The following HTR4 variants were observed in gnomAD, a reference collection of about 807,000 sequenced individuals.
HTR4 encodes 5-hydroxytryptamine receptor 4.
HTR4 carries 16 observed loss-of-function variants against 36.8 expected under a neutral mutation model. That is an observed-to-expected ratio of 0.43 (90% confidence interval 0.29 to 0.66). The LOEUF (loss-of-function observed/expected upper bound fraction) is 0.66. HTR4 is among the 30% of genes least tolerant of loss of function. The probability of loss-of-function intolerance (pLI) is 0.13; values close to 1 mark genes in which losing one functional copy is unlikely to be tolerated. For missense variants in HTR4, 438 were observed against 490.9 expected, an observed-to-expected ratio of 0.89 and a Z score of 1.02; for synonymous variants, 189 against 185.1, an observed-to-expected ratio of 1.02 and a Z score of -0.17.
rs762741315 is a variant in HTR4, at chr5:148,509,800, G to C, written c.732C>G (p.Asp244Glu). ...ASSESRPQSA[D>E]QHSTHRMRTE... Reference sequence around the variant, plus strand: ...TCCTCATGCGATGAGTGCTATGCTGGTCTGCCGACTGAGGCCTGCTCTCGG... The same window carrying C: ...TCCTCATGCGATGAGTGCTATGCTGCTCTGCCGACTGAGGCCTGCTCTCGG... Residue 244 changes from aspartate (D) to glutamate (E), a missense_variant, in exon 6 of 7, where the codon GAC (aspartate) becomes GAG (glutamate). Asp to Glu is a conservative substitution (Grantham distance 45, BLOSUM62 2). Transcript: ENST00000377888. 6.2e-7 allele frequency: 1 copy of C among 1,614,010 alleles called. No individual in the cohort carries two copies. Among genetic ancestry groups the C allele is most frequent in the East Asian group, 2.2e-5 (1 of 44,840 alleles).
At chr5:148,503,433 A>C (rs573243025) in intron 6 of HTR4, among the ~76,000 whole-genome samples, 2 of 152,294 alleles carry the variant, frequency 1.3e-5, no homozygotes, top group African/African-American at 4.8e-5. Context: ...TTTACAGACA[A>C]GCAAATGCTG....
Position 148,484,474 on chromosome 5 carries a change from T to C in HTR4, c.1077-1181A>G, listed in dbSNP as rs376047745. 5 of 1,198,310 alleles carry C rather than the reference T, an allele frequency of 4.2e-6. 1 individual carries two copies. In the African/African-American group the frequency reaches 7.6e-5, roughly 18 times the overall value. 74.2% of individuals were successfully genotyped at this position (1,198,310 alleles called of 1,614,324 possible). Reference sequence around the variant, plus strand: ...GTCTATGGTTTCTGGAGATTAGCTTTAGTGTTTCTTGAAAAATTGGGGCAA... The same window carrying C: ...GTCTATGGTTTCTGGAGATTAGCTTCAGTGTTTCTTGAAAAATTGGGGCAA... On this transcript the variant is annotated intron_variant, in intron 6 of 6. Coordinates refer to ENST00000377888, the MANE Select transcript of HTR4 (RefSeq NM_000870.7).
rs544981716 is a variant in HTR4 at position 148,597,493 on chromosome 5, C to A, written c.26+39496G>T. ...AGCTACCAAAGTCCCTAATGCCTGT[C>A]TCATTCTTCTTCTTACTCCTTACCT... On this transcript the variant is annotated intron_variant, in intron 2 of 6. Coordinates refer to ENST00000377888, the MANE Select transcript of HTR4 (RefSeq NM_000870.7). Among the ~76,000 whole-genome samples, 11 of 152,212 alleles carry A rather than the reference C, an allele frequency of 7.2e-5. No individual in the cohort carries two copies. In the East Asian group the frequency reaches 1.9e-3, roughly 27 times the overall value.
chr5:148,484,657 C>T (rs566557387), intron 6 of HTR4, among the ~76,000 whole-genome samples: 32 of 152,274 alleles, frequency 2.1e-4, no homozygotes, highest in African/African-American at 7.0e-4. Flanking sequence ...AACTTTCTCC[C>T]TAAAATGTTC....
intron 2 of HTR4, among the ~76,000 whole-genome samples, chr5:148,623,229 CAG>C (rs1458109156): frequency 1.3e-5 from 2 of 152,092 alleles, no homozygotes; most frequent in Admixed American, 1.3e-4. Context: ...GGAAAATGTT[CAG>C]AGACTGCAAT....
chr5:148,486,419 G>A (rs1756162873), intron 6 of HTR4, among the ~76,000 whole-genome samples: 1 of 152,172 alleles, frequency 6.6e-6, no homozygotes, highest in African/African-American at 2.4e-5. Flanking sequence ...ATTCAGAGAA[G>A]AAAGCAGCAG....
chr5:148,454,491 T>A (rs898069990), intron 5 of HTR4, among the ~76,000 whole-genome samples: 4 of 152,212 alleles, frequency 2.6e-5, no homozygotes, highest in Non-Finnish European at 5.9e-5. Flanking sequence ...ATGATAATGA[T>A]AATGATGATG....
At chr5:148,469,113 A>T (rs1291445511) in intron 5 of HTR4, among the ~76,000 whole-genome samples, 1 of 152,048 alleles carries the variant, frequency 6.6e-6, no homozygotes, top group Non-Finnish European at 1.5e-5. Context: ...CTTAAACATA[A>T]TTTTTATTAT....
At chr5:148,614,858 A>G (rs1408159348) in intron 2 of HTR4, among the ~76,000 whole-genome samples, 1 of 152,234 alleles carries the variant, frequency 6.6e-6, no homozygotes, top group Non-Finnish European at 1.5e-5. Context: ...ACCCCATCAA[A>G]AAGTGGGCAA....
At chr5:148,533,178 C>A (rs1228570559) in intron 4 of HTR4, among the ~76,000 whole-genome samples, 2 of 152,186 alleles carry the variant, frequency 1.3e-5, no homozygotes, top group East Asian at 1.9e-4. Flanking sequence ...AAAATTTGTT[C>A]TCCAGCCTTC....
intron 5 of HTR4, among the ~76,000 whole-genome samples, chr5:148,455,349 G>T (rs1199268586): frequency 4.6e-5 from 7 of 152,160 alleles, no homozygotes; most frequent in African/African-American, 1.7e-4. Context: ...CATGAAAAAG[G>T]TATCCTAGTT....
chr5:148,484,456 G>T, intron 6 of HTR4: 1 of 1,373,114 alleles, frequency 7.3e-7, no homozygotes. Context: ...TGAGTCTATG[G>T]TTTCTGGAGA....
At chr5:148,539,638 C>T (rs560095652) in intron 4 of HTR4, among the ~76,000 whole-genome samples, 3 of 152,102 alleles carry the variant, frequency 2.0e-5, no homozygotes, top group African/African-American at 2.4e-5. Context: ...TATCACTGAT[C>T]GTTAAAGAAA....
chr5:148,540,418 A>G lies in HTR4; in HGVS notation c.353+8250T>C, dbSNP rs1224943961. On this transcript the variant is annotated intron_variant, in intron 4 of 6. Coordinates refer to ENST00000377888, the MANE Select transcript of HTR4 (RefSeq NM_000870.7). ...TGTGTGTGTATATATATATATATAT[A>G]TATATATATATATATATATATATAT... Among the ~76,000 whole-genome samples, 190 of 130,732 alleles carry G rather than the reference A, an allele frequency of 1.5e-3. 3 individuals are homozygous for G. Among genetic ancestry groups the G allele is most frequent in the African/African-American group, 4.9e-3 (163 of 33,424 alleles). The allele number at this position is 130,732 out of a possible 152,430, so 85.8% of individuals were successfully genotyped here.
intron 2 of HTR4, among the ~76,000 whole-genome samples, chr5:148,611,405 G>C (rs1281404249): frequency 1.2e-3 from 173 of 147,808 alleles, no homozygotes; most frequent in African/African-American, 4.1e-3. Context: ...TTTCAACCCA[G>C]AATTTCATAT....
At position 148,558,094 on chromosome 5, in the gene HTR4, ACCCTTCCT is replaced by A. The variant is rs1314908426; in HGVS notation, c.27-7840_27-7833del. On this transcript the variant is annotated intron_variant, in intron 2 of 6. Coordinates refer to ENST00000377888, the MANE Select transcript of HTR4 (RefSeq NM_000870.7). ...TACTCCCTATCTAAGTATTTTTTTCACCCTTCCTGCCCAGCCCTGCACAGTCTTTTGCA... is the reference window on the plus strand; with the variant it reads ...TACTCCCTATCTAAGTATTTTTTTCAGCCCAGCCCTGCACAGTCTTTTGCA... 1.1e-3 allele frequency among the ~76,000 whole-genome samples: 161 copies of A among 151,966 alleles called. 1 individual carries two copies. The highest frequency in any genetic ancestry group is 3.5e-3 in the African/African-American group (147 of 41,482).
intron 2 of HTR4, among the ~76,000 whole-genome samples, chr5:148,620,307 C>A (rs187918179): frequency 6.6e-6 from 1 of 152,328 alleles, no homozygotes; most frequent in East Asian, 1.9e-4. Context: ...AAGGTGAAGT[C>A]ATAGCAGAAC....
chr5:148,559,707 C>G (rs112237308), intron 2 of HTR4, among the ~76,000 whole-genome samples: 1 of 151,994 alleles, frequency 6.6e-6, no homozygotes, highest in Non-Finnish European at 1.5e-5. Flanking sequence ...TAGCTTCCCC[C>G]TTTTTTAACC....
intron 5 of HTR4, among the ~76,000 whole-genome samples, chr5:148,510,898 A>T (rs1319650961): frequency 6.6e-6 from 1 of 152,232 alleles, no homozygotes; most frequent in Non-Finnish European, 1.5e-5. Context: ...AAGGGTAGAT[A>T]TTTTAATGGA....
Sources: gnomAD v4.1 joint callset for allele counts (sites outside exome capture counted in the v4.1 genomes callset) on GRCh38, gnomAD v4.1.1 for gene constraint, MANE v1.5 for transcripts, NCBI Gene and HGNC (gene_info 2026-07-23, HGNC 2026-07-21) for gene names.